ZMYND15: variants seen among roughly 807,000 people sequenced by gnomAD.
ZMYND15 encodes the protein zinc finger MYND-type containing 15, also known as zinc finger MYND domain-containing protein 15.
Under a neutral mutation model 81.7 loss-of-function variants are expected in ZMYND15, and 54 were observed. That is an observed-to-expected ratio of 0.66 (90% CI 0.53 to 0.83). The LOEUF is 0.83. Ranked by LOEUF, ZMYND15 falls within the 40% of genes least tolerant of loss-of-function variation. ZMYND15 has a pLI of 0.00. For missense variants in ZMYND15, 925 were observed against 973.5 expected, an observed-to-expected ratio of 0.95 and a Z score of 0.66; for synonymous variants, 399 against 387.0, an observed-to-expected ratio of 1.03 and a Z score of -0.36.
At position 4,745,108 on chromosome 17, in the gene ZMYND15, T is replaced by G; in HGVS notation, c.1897-107T>G. ...TGTCTCCGTCCTCCCCCTGCTCCCC[T>G]CCGCCCGGTCTGTCCGGGGACCTCG... On this transcript the variant is annotated intron_variant, in intron 12 of 13. Transcript: ENST00000433935. The surrounding 1 kb of genome is among the most constrained non-coding windows in gnomAD (Gnocchi z 5.2). 6.3e-7 allele frequency: 1 copy of G among 1,587,020 alleles called. No homozygotes were observed. The highest frequency in any genetic ancestry group is 8.6e-7 in the Non-Finnish European group (1 of 1,162,384).
Position 4,745,938 on chromosome 17 carries a change from GA to G in ZMYND15, c.2179del (p.Arg727GlyfsTer19). On this transcript the variant is annotated frameshift_variant, in exon 14 of 14. Transcript: ENST00000433935. LOFTEE classifies it high-confidence loss of function. The surrounding 1 kb of genome is among the most constrained non-coding windows in gnomAD (Gnocchi z 5.2). ...CCCTCTGCTCCTCCTGCCCCCACCC[GA>G]AGGCGCCGAGGAGAAAAGAAACCTG... is the stretch of plus-strand genomic sequence containing the variant. ...PTPSAPPAPTRRRRGEKKPGR... is the reference protein window; with the variant it reads ...PTPSAPPAPTXRRRGEKKPGR... 1 of 1,429,976 alleles carries G rather than the reference GA, an allele frequency of 7.0e-7. No individual in the cohort carries two copies. The highest frequency in any genetic ancestry group is 2.9e-5 in the Admixed American group (1 of 34,164). The allele number at this position is 1,429,976 out of a possible 1,614,324, so 88.6% of individuals were successfully genotyped here.
rs1916598807 is a variant in ZMYND15, at chr17:4,744,992, T to A, written c.1896+64T>A. 38 of 1,602,998 alleles carry A rather than the reference T, an allele frequency of 2.4e-5. 1 individual carries two copies. In the South Asian group the frequency reaches 4.0e-4, roughly 17 times the overall value. On this transcript the variant is annotated intron_variant, in intron 12 of 13. Transcript: ENST00000433935. The surrounding 1 kb of genome is among the most constrained non-coding windows in gnomAD (Gnocchi z 4.1). ...TGCCTGGCCCCTCCCCATCTCCTTT[T>A]CTGAAAGTCTCTGGGCTCTCCTCCT...
Position 4,741,603 on chromosome 17 carries a change from C to T in ZMYND15, c.614C>T (p.Ser205Phe), listed in dbSNP as rs766800703. The T allele has an allele frequency of 6.2e-7, 1 of 1,614,086 alleles. No homozygotes were observed. Among genetic ancestry groups the T allele is most frequent in the Admixed American group, 1.7e-5 (1 of 60,014 alleles). The stretch of plus-strand genomic sequence containing the variant: ...CCAGAGGCTGCCCCCCTGCACGTTT[C>T]CTGTCTCTTACTTGTGACGGATGAG... Reference protein sequence around the residue: ...QRSEAAPLHVSCLLLVTDEHG... With the variant: ...QRSEAAPLHVFCLLLVTDEHG... The change falls in exon 3 of 14, where the codon TCC becomes TTC. Residue 205 changes from serine to phenylalanine, a missense_variant. Physicochemically the swap from Ser to Phe is radical, Grantham distance 155. Coordinates refer to ENST00000433935, the MANE Select transcript of ZMYND15 (RefSeq NM_001136046.3).
Position 4,743,675 on chromosome 17 carries a change from C to G in ZMYND15, c.1298-92C>G. 1.5e-6 allele frequency: 2 copies of G among 1,378,968 alleles called. No individual in the cohort carries two copies. Among genetic ancestry groups the G allele is most frequent in the East Asian group, 4.7e-5 (2 of 42,648 alleles). 85.4% of individuals were successfully genotyped at this position (1,378,968 alleles called of 1,614,324 possible). ...CCCCCATTCCTCTTACTGCGGCTGT[C>G]TCAGGGAATACAGCCCCTTTGGAAG... On this transcript the variant is annotated intron_variant, in intron 6 of 13. Transcript: ENST00000433935. This position sits in a 1 kb window ranked among gnomAD's most constrained non-coding sequence, Gnocchi z 4.3.
Position 4,743,408 on chromosome 17 carries a change from C to A in ZMYND15, c.1250C>A (p.Ser417Tyr). 1 of 1,614,070 alleles carries A rather than the reference C, an allele frequency of 6.2e-7. No homozygotes were observed. Among genetic ancestry groups the A allele is most frequent in the Non-Finnish European group, 8.5e-7 (1 of 1,179,994 alleles). The change falls in exon 6 of 14, where the codon TCC becomes TAC. Residue 417 changes from serine to tyrosine, a missense_variant. Ser to Tyr is a moderately radical substitution (Grantham distance 144). Transcript: ENST00000433935. This position sits in a 1 kb window ranked among gnomAD's most constrained non-coding sequence, Gnocchi z 4.3. ...ATGCTGATTCCAGGCCCGGGCTTCT[C>A]CAGACACCCCCGAGGCAACACGCCA... Reference protein sequence around the residue: ...LSMLIPGPGFSRHPRGNTPSL... With the variant: ...LSMLIPGPGFYRHPRGNTPSL...
rs372462720 is a variant in ZMYND15, at chr17:4,744,260, C to G, written c.1566C>G (p.Asp522Glu). The G allele has an allele frequency of 6.2e-7, 1 of 1,613,914 alleles. No individual in the cohort carries two copies. Among genetic ancestry groups the G allele is most frequent in the Non-Finnish European group, 8.5e-7 (1 of 1,179,988 alleles). The part of the protein sequence containing the change: ...IHVVEAGKEF[D>E]LVMVFWELLV... ...TGGTGGAGGCCGGGAAGGAGTTTGA[C>G]CTTGTCATGGTGTTTTGGGTAAGTC... The change falls in exon 9 of 14, where the codon GAC becomes GAG. Residue 522 changes from aspartate to glutamate, a missense_variant. Coordinates refer to ENST00000433935, the MANE Select transcript of ZMYND15 (RefSeq NM_001136046.3). The surrounding 1 kb of genome is among the most constrained non-coding windows in gnomAD (Gnocchi z 4.1).
Position 4,740,765 on chromosome 17 carries a change from C to A in ZMYND15, c.217C>A (p.Gln73Lys). Reference protein sequence around the residue: ...PNHSVGISLGQGAEPGPGPGL... With the variant: ...PNHSVGISLGKGAEPGPGPGL... Reference sequence around the variant, plus strand: ...CCATAGTGTGGGCATCAGCCTGGGGCAAGGGGCAGAACCAGGTCCTGGACC... The same window carrying A: ...CCATAGTGTGGGCATCAGCCTGGGGAAAGGGGCAGAACCAGGTCCTGGACC... The change falls in exon 2 of 14, where the codon CAA (glutamine) becomes AAA (lysine). Residue 73 changes from glutamine (Q) to lysine (K), a missense_variant. Gln to Lys is a moderately conservative substitution (Grantham distance 53). Coordinates refer to ENST00000433935, the MANE Select transcript of ZMYND15 (RefSeq NM_001136046.3). The A allele has an allele frequency of 6.3e-7, 1 of 1,599,860 alleles. No homozygotes were observed. Among genetic ancestry groups the A allele is most frequent in the Admixed American group, 1.7e-5 (1 of 59,076 alleles).
At chr17:4,742,870 T>A (rs1255501444) in intron 5 of ZMYND15, among the ~76,000 whole-genome samples, 2 of 152,142 alleles carry the variant, frequency 1.3e-5, no homozygotes, top group Non-Finnish European at 2.9e-5. Flanking sequence ...GCTTGGTGCC[T>A]GGTACGCTGG....
At position 4,742,560 on chromosome 17, in the gene ZMYND15, C is replaced by A. The variant is rs1489381374; in HGVS notation, c.1144+69C>A. On this transcript the variant is annotated intron_variant, in intron 5 of 13. Transcript: ENST00000433935. ...GTCTTTGAGACTGGGAATTAGATGT[C>A]TGGGAACAGGGTCCTGCAGTTGAAG... 7 of 1,575,844 alleles carry A rather than the reference C, an allele frequency of 4.4e-6. No individual in the cohort carries two copies. The Admixed American group carries it at 8.6e-5, about 19-fold the overall frequency.
In ZMYND15 at chr17:4,741,811, G is replaced by A; in HGVS notation, c.822G>A (p.Leu274=). ...AGCTTACTGTGGGAGATGCCCGGCT[G>A]CATCGGTATAGAAATCTGGTATCTG... is the stretch of plus-strand genomic sequence containing the variant. ...PRQLTVGDAR[L]HRELESLVPR... is the part of the protein sequence containing the mutation. Residue 274 remains leucine (L), a synonymous_variant, in exon 3 of 14, where the codon CTG becomes CTA. Coordinates refer to ENST00000433935, the MANE Select transcript of ZMYND15 (RefSeq NM_001136046.3). The A allele has an allele frequency of 4.4e-6, 7 of 1,573,570 alleles. No individual in the cohort carries two copies. Among genetic ancestry groups the A allele is most frequent in the South Asian group, 1.2e-5 (1 of 85,162 alleles).
At chr17:4,741,375 G>A (rs999688652) in intron 2 of ZMYND15, among the ~76,000 whole-genome samples, 2 of 152,104 alleles carry the variant, frequency 1.3e-5, no homozygotes, top group African/African-American at 4.8e-5. Flanking sequence ...AGCTCTGACA[G>A]TGGGCCTACA....
rs1597502691 is a variant in ZMYND15 at position 4,740,897 on chromosome 17, G to C, written c.349G>C (p.Glu117Gln). 6.3e-7 allele frequency: 1 copy of C among 1,579,318 alleles called. No homozygotes were observed. Among genetic ancestry groups the C allele is most frequent in the African/African-American group, 1.3e-5 (1 of 74,268 alleles). ...CCTAGAGGATGGGGAGGAAGGGGAG[G>C]AGGAAGAGGAGGAAGATGAAGAAGA... is the stretch of plus-strand genomic sequence containing the variant. ...VSLEDGEEGE[E>Q]EEEEDEEEEK... The change falls in exon 2 of 14, where the codon GAG becomes CAG. Residue 117 changes from glutamate to glutamine, a missense_variant. Coordinates refer to ENST00000433935, the MANE Select transcript of ZMYND15 (RefSeq NM_001136046.3).
At position 4,740,982 on chromosome 17, in the gene ZMYND15, G is replaced by A. The variant is rs747120463; in HGVS notation, c.434G>A (p.Arg145Gln). 3.3e-5 allele frequency: 51 copies of A among 1,562,008 alleles called. No homozygotes were observed. The highest frequency in any genetic ancestry group is 1.2e-4 in the East Asian group (5 of 42,098). Reference sequence around the variant, plus strand: ...GAGAAGGTGGAACCAGAGGAGGACCGGGAGCTAGCCCCTACCAGCAGGGAG... The same window carrying A: ...GAGAAGGTGGAACCAGAGGAGGACCAGGAGCTAGCCCCTACCAGCAGGGAG... ...STEKVEPEED[R>Q]ELAPTSRESP... Residue 145 changes from arginine to glutamine, a missense_variant, in exon 2 of 14, where the codon CGG (arginine) becomes CAG (glutamine). Physicochemically the swap from Arg to Gln is conservative, Grantham distance 43 (BLOSUM62 1). Transcript: ENST00000433935.
chr17:4,741,213 T>C (rs1916396341), intron 2 of ZMYND15, 73 bp downstream of exon 2: 1 of 1,373,012 alleles, frequency 7.3e-7, no homozygotes, highest in Non-Finnish European at 9.4e-7. Flanking sequence ...CCCCTGCCAC[T>C]AGTTCTGAGT....
intron 5 of ZMYND15, among the ~76,000 whole-genome samples, chr17:4,742,878 T>C (rs1026497393): frequency 6.6e-6 from 1 of 152,138 alleles, no homozygotes; most frequent in African/African-American, 2.4e-5. Flanking sequence ...CCTGGTACGC[T>C]GGAGGCACTC....
rs1042556991 is a variant in ZMYND15, at chr17:4,745,354, C to T, written c.2036C>T (p.Ala679Val). The T allele has an allele frequency of 2.5e-6, 4 of 1,606,882 alleles. No individual in the cohort carries two copies. The highest frequency in any genetic ancestry group is 3.4e-6 in the Non-Finnish European group (4 of 1,177,138). ...TTCCGCTCCCCCTTTCGCCTCAGAG[C>T]GGCCGACAACTGCATGTCCTGGTAA... is the stretch of plus-strand genomic sequence containing the variant. ...NPFRSPFRLR[A>V]ADNCMSWYCN... The change falls in exon 13 of 14, where the codon GCG (alanine) becomes GTG (valine). Residue 679 changes from alanine (A) to valine (V), a missense_variant. Transcript: ENST00000433935. This position sits in a 1 kb window ranked among gnomAD's most constrained non-coding sequence, Gnocchi z 5.2.
Position 4,745,640 on chromosome 17 carries a change from T to A in ZMYND15, c.2058-179T>A, listed in dbSNP as rs1916629361. Among the ~76,000 whole-genome samples, 1 of 151,448 alleles carries A rather than the reference T, an allele frequency of 6.6e-6. No individual in the cohort carries two copies. Among genetic ancestry groups the A allele is most frequent in the South Asian group, 2.1e-4 (1 of 4,804 alleles). On this transcript the variant is annotated intron_variant, in intron 13 of 13. Coordinates refer to ENST00000433935, the MANE Select transcript of ZMYND15 (RefSeq NM_001136046.3). This position sits in a 1 kb window ranked among gnomAD's most constrained non-coding sequence, Gnocchi z 5.2. ...CGCGACCCTCCAACAGACCCAACCC[T>A]GAGTCTAGCCCCACGCCCTGGAACT...
rs932890716 is a variant in ZMYND15 at position 4,740,654 on chromosome 17, C to T, written c.106C>T (p.Leu36Phe). ...VAERGAVGTSLEGRCRQLEAQ... is the reference protein window; with the variant it reads ...VAERGAVGTSFEGRCRQLEAQ... ...AGAGCGTGGAGCTGTAGGGACTAGC[C>T]TTGAGGGCCGCTGCCGGCAGCTGGA... is the stretch of plus-strand genomic sequence containing the variant. The change falls in exon 2 of 14, where the codon CTT (leucine) becomes TTT (phenylalanine). Residue 36 changes from leucine to phenylalanine, a missense_variant. Coordinates refer to ENST00000433935, the MANE Select transcript of ZMYND15 (RefSeq NM_001136046.3). The T allele has an allele frequency of 6.2e-7, 1 of 1,614,222 alleles. No individual in the cohort carries two copies. The highest frequency in any genetic ancestry group is 1.7e-5 in the Admixed American group (1 of 60,020).
chr17:4,743,076 C>CA lies in ZMYND15; in HGVS notation c.1145-221dup, dbSNP rs1916496374. Among the ~76,000 whole-genome samples the CA allele has an allele frequency of 6.6e-6, 1 of 151,890 alleles. No individual in the cohort carries two copies. The highest frequency in any genetic ancestry group is 6.6e-5 in the Admixed American group (1 of 15,242). On this transcript the variant is annotated intron_variant, in intron 5 of 13. Coordinates refer to ENST00000433935, the MANE Select transcript of ZMYND15 (RefSeq NM_001136046.3). This position sits in a 1 kb window ranked among gnomAD's most constrained non-coding sequence, Gnocchi z 4.3. ...CTGGGCAACATAGACTCTGTCTCTA[C>CA]AAAAAATAGAAAAAATTAGTCAGGC...
Sources: allele counts gnomAD v4.1 joint callset (sites outside exome capture counted in the v4.1 genomes callset), GRCh38; gene constraint gnomAD v4.1.1; non-coding constraint Gnocchi (gnomAD v3.1); transcripts MANE v1.5; gene names NCBI Gene and HGNC (gene_info 2026-07-23, HGNC 2026-07-21).